Variants in EXD2 observed in about 807,000 individuals in gnomAD.
EXD2 encodes the protein exonuclease 3'-5' domain-containing protein 2.
EXD2 carries 40 observed loss-of-function variants against 62.5 expected under a neutral mutation model. The observed-to-expected ratio is 0.64, with a 90% confidence interval of 0.50 to 0.83. The LOEUF is 0.83. EXD2 is among the 40% of genes least tolerant of loss of function. EXD2 has a pLI of 0.00. For synonymous variants in EXD2, 239 were observed against 291.9 expected (o/e 0.82, Z 1.85); for missense variants, 671 against 761.8 (o/e 0.88, Z 1.40).
chr14:69,231,619 G>C lies in EXD2; in HGVS notation c.717+1021G>C, dbSNP rs149864299. 1.6e-3 allele frequency among the ~76,000 whole-genome samples: 238 copies of C among 152,046 alleles called. 1 individual carries two copies. Among genetic ancestry groups the C allele is most frequent in the African/African-American group, 5.5e-3 (229 of 41,484 alleles). ...CCCCAGACTCCTTATCAGAACTATG[G>C]ATCTCCTCTGGGCTGGTTCAGACAC... On this transcript the variant is annotated intron_variant, in intron 5 of 9. Transcript: ENST00000685843.
At position 69,241,564 on chromosome 14, in the gene EXD2, C is replaced by T; in HGVS notation, c.*464C>T. On this transcript the variant is annotated 3_prime_UTR_variant, in exon 10 of 10. Transcript: ENST00000685843. ...AAGGCTGGAGAAGTGAACAAGGAGT[C>T]AAATTTATTTTCCCAATTCAACTTC... is the stretch of plus-strand genomic sequence containing the variant. The T allele has an allele frequency of 3.3e-6, 1 of 305,820 alleles. No homozygotes were observed. The highest frequency in any genetic ancestry group is 5.9e-6 in the Non-Finnish European group (1 of 168,170). 18.9% of individuals were successfully genotyped at this position (305,820 alleles called of 1,614,324 possible).
intron 6 of EXD2, 128 bp downstream of exon 6, chr14:69,235,159 G>T: frequency 4.0e-6 from 3 of 752,554 alleles, no homozygotes; most frequent in East Asian, 2.9e-5. Context: ...GGTTAATCTT[G>T]CTTTTTCTTT....
intron 7 of EXD2, 66 bp from the exon 8 acceptor site, chr14:69,236,341 G>A: frequency 2.5e-6 from 4 of 1,611,470 alleles, no homozygotes; most frequent in South Asian, 2.2e-5. Flanking sequence ...TGAAGGTAGT[G>A]CTGCTTCTTG....
Position 69,236,452 on chromosome 14 carries a change from C to T in EXD2, c.1202C>T (p.Pro401Leu). The part of the protein sequence containing the change: ...EPFVVKLRFE[P>L]AGRPESPGDY... Reference sequence around the variant, plus strand: ...TTTGTGGTGAAGCTACGGTTTGAACCTGCAGGAAGGCCCGAATCTCCTGGA... The same window carrying T: ...TTTGTGGTGAAGCTACGGTTTGAACTTGCAGGAAGGCCCGAATCTCCTGGA... Residue 401 changes from proline (P) to leucine (L), a missense_variant, in exon 8 of 10, where the codon CCT becomes CTT. Physicochemically the swap from Pro to Leu is moderately conservative, Grantham distance 98. Transcript: ENST00000685843. The T allele has an allele frequency of 1.2e-6, 2 of 1,614,134 alleles. No individual in the cohort carries two copies. Among genetic ancestry groups the T allele is most frequent in the Non-Finnish European group, 1.7e-6 (2 of 1,180,016 alleles).
chr14:69,234,941 C>T lies in EXD2; in HGVS notation c.959C>T (p.Ser320Phe). The stretch of plus-strand genomic sequence containing the variant: ...CAGCAGAAGCCAAGAAATAAGAAGT[C>T]TAAGATGGATGGGATGGTGCCAGGC... ...ESQQKPRNKK[S>F]KMDGMVPGNH... The change falls in exon 6 of 10, where the codon TCT becomes TTT. Residue 320 changes from serine to phenylalanine, a missense_variant. Ser to Phe is a radical substitution (Grantham distance 155). Coordinates refer to ENST00000685843, the MANE Select transcript of EXD2 (RefSeq NM_001193360.2). 1 of 1,613,832 alleles carries T rather than the reference C, an allele frequency of 6.2e-7. No homozygotes were observed.
At chr14:69,218,644 C>G (rs1246923853) in intron 3 of EXD2, among the ~76,000 whole-genome samples, 2 of 152,074 alleles carry the variant, frequency 1.3e-5, no homozygotes, top group Non-Finnish European at 2.9e-5. Flanking sequence ...GGTTTTAGGT[C>G]TAACATTTAA....
intron 3 of EXD2, among the ~76,000 whole-genome samples, chr14:69,228,184 C>G (rs1388687292): frequency 1.7e-5 from 2 of 120,446 alleles, no homozygotes; most frequent in African/African-American, 6.6e-5. Context: ...TTTTCCTTAG[C>G]CTTTTTTTTT....
chr14:69,209,881 G>A, intron 3 of EXD2, 78 bp downstream of exon 3: 1 of 1,204,334 alleles, frequency 8.3e-7, no homozygotes, highest in Non-Finnish European at 1.1e-6. Flanking sequence ...GGACAGTCAA[G>A]TAGAAAATAA....
intron 1 of EXD2, among the ~76,000 whole-genome samples, chr14:69,201,977 C>G (rs942052307): frequency 9.9e-4 from 150 of 151,956 alleles, no homozygotes; most frequent in African/African-American, 3.5e-3. Context: ...CCACCGCACT[C>G]AGCCATGTTT....
chr14:69,197,734 C>T (rs1464442989), intron 1 of EXD2, among the ~76,000 whole-genome samples: 1 of 152,100 alleles, frequency 6.6e-6, no homozygotes, highest in Admixed American at 6.5e-5. Context: ...TCCAGCTGAT[C>T]CATGTTGCTG....
At chr14:69,207,285 G>A (rs1297423183) in intron 2 of EXD2, among the ~76,000 whole-genome samples, 1 of 151,982 alleles carries the variant, frequency 6.6e-6, no homozygotes, top group Non-Finnish European at 1.5e-5. Context: ...CTTGAGGTCA[G>A]GAGTTCAAGA....
chr14:69,192,459 C>T (rs1022678069), intron 1 of EXD2, among the ~76,000 whole-genome samples: 25 of 150,444 alleles, frequency 1.7e-4, no homozygotes, highest in African/African-American at 5.6e-4. Context: ...AGTTATAGTC[C>T]GTGCATAAAG....
At chr14:69,230,678 ATATAG>A (rs2043544187) in intron 5 of EXD2, 80 bp downstream of exon 5, 37 of 1,485,698 alleles carry the variant, frequency 2.5e-5, no homozygotes, top group Non-Finnish European at 3.2e-5. Context: ...GAATTCTCAA[ATATAG>A]TATAAGTATT....
At chr14:69,195,986 T>A (rs1241802497) in intron 1 of EXD2, 1 of 152,218 alleles carries the variant, frequency 6.6e-6, no homozygotes, top group African/African-American at 2.4e-5. Context: ...AAGTTCAAAA[T>A]TAAGGTGTCA....
chr14:69,201,672 GTTTTTTTTT>G (rs71102634), intron 1 of EXD2, among the ~76,000 whole-genome samples: 11 of 59,022 alleles, frequency 1.9e-4, no homozygotes, highest in South Asian at 9.3e-4. Flanking sequence ...TGTTTTCTCT[GTTTTTTTTT>G]TTTTTTTTTT....
In EXD2 at chr14:69,236,396, C is replaced by G; in HGVS notation, c.1157-11C>G. 6.2e-7 allele frequency: 1 copy of G among 1,614,102 alleles called. No homozygotes were observed. Among genetic ancestry groups the G allele is most frequent in the Non-Finnish European group, 8.5e-7 (1 of 1,180,018 alleles). ...GGGGAGCAGTCAAACACTGATGTCTCTTCTCTTAAGAGCTGGTGAGTGAAG... is the reference window on the plus strand; with the variant it reads ...GGGGAGCAGTCAAACACTGATGTCTGTTCTCTTAAGAGCTGGTGAGTGAAG... On this transcript the variant is annotated splice_polypyrimidine_tract_variant and intron_variant, in intron 7 of 9. Transcript: ENST00000685843.
At chr14:69,236,221 A>G (rs545766027) in intron 7 of EXD2, 69 bp downstream of exon 7, 1 of 1,516,032 alleles carries the variant, frequency 6.6e-7, no homozygotes, top group South Asian at 1.1e-5. Flanking sequence ...GTGGGGAGTG[A>G]GATAAGGAAG....
At chr14:69,228,306 C>G (rs1380529316) in intron 3 of EXD2, among the ~76,000 whole-genome samples, 1 of 151,150 alleles carries the variant, frequency 6.6e-6, no homozygotes, top group Non-Finnish European at 1.5e-5. Context: ...ATTCTCCTGC[C>G]TCAGGCTCCC....
At chr14:69,193,558 T>C (rs2042104273) in intron 1 of EXD2, among the ~76,000 whole-genome samples, 1 of 152,250 alleles carries the variant, frequency 6.6e-6, no homozygotes, top group Non-Finnish European at 1.5e-5. Context: ...TTTTCCTTAT[T>C]GATTTATAAT....
Sources: gnomAD v4.1 joint callset for allele counts (sites outside exome capture counted in the v4.1 genomes callset) on GRCh38, gnomAD v4.1.1 for gene constraint, MANE v1.5 for transcripts, NCBI Gene and HGNC (gene_info 2026-07-23, HGNC 2026-07-21) for gene names.